CADPS2: variants seen among roughly 807,000 people sequenced by gnomAD.
CADPS2 encodes the protein calcium dependent secretion activator 2, also known as calcium-dependent secretion activator 2.
In CADPS2, 93 loss-of-function variants were observed where a neutral mutation model predicts 172.5. The observed-to-expected ratio is 0.54, with a 90% confidence interval of 0.46 to 0.64. The LOEUF is 0.64. Ranked by LOEUF, CADPS2 falls within the 30% of genes least tolerant of loss-of-function variation. The pLI, the probability that CADPS2 is intolerant of heterozygous loss-of-function variation, is 0.00. For missense variants in CADPS2, 1,420 were observed against 1,565.9 expected, an observed-to-expected ratio of 0.91 and a Z score of 1.57; for synonymous variants, 546 against 555.2, an observed-to-expected ratio of 0.98 and a Z score of 0.23.
chr7:122,409,465 A>G (rs989953338), intron 19 of CADPS2, among the ~76,000 whole-genome samples: 2 of 152,168 alleles, frequency 1.3e-5, no homozygotes, highest in African/African-American at 2.4e-5. Context: ...AAAATGGAAT[A>G]CACTTTTTTT....
At chr7:122,876,385 A>T (rs1262185383) in intron 1 of CADPS2, among the ~76,000 whole-genome samples, 1 of 152,200 alleles carries the variant, frequency 6.6e-6, no homozygotes, top group East Asian at 1.9e-4. Context: ...CTTTTGAGAC[A>T]GGGTCTCACT....
At chr7:122,342,238 A>G (rs1472355958) in intron 28 of CADPS2, among the ~76,000 whole-genome samples, 1 of 152,172 alleles carries the variant, frequency 6.6e-6, no homozygotes, top group Non-Finnish European at 1.5e-5. Flanking sequence ...AGCAGATTTT[A>G]TACGGTAAAT....
intron 1 of CADPS2, among the ~76,000 whole-genome samples, chr7:122,742,501 TC>T (rs2092536789): frequency 6.6e-6 from 1 of 152,104 alleles, no homozygotes; most frequent in South Asian, 2.1e-4. Context: ...AATAGCAATG[TC>T]CCTCTTAAAA....
intron 1 of CADPS2, among the ~76,000 whole-genome samples, chr7:122,870,362 G>A (rs1171033401): frequency 2.0e-5 from 3 of 151,770 alleles, no homozygotes; most frequent in Non-Finnish European, 4.4e-5. Context: ...AGACAAAGAA[G>A]GTCATTATAT....
chr7:122,758,084 C>T (rs994531250), intron 1 of CADPS2, among the ~76,000 whole-genome samples: 1 of 152,134 alleles, frequency 6.6e-6, no homozygotes, highest in African/African-American at 2.4e-5. Context: ...GTCAAGCTTG[C>T]TTCTCCTTAT....
intron 20 of CADPS2, among the ~76,000 whole-genome samples, chr7:122,399,029 TAATA>T (rs2045551755): frequency 6.6e-6 from 1 of 152,112 alleles, no homozygotes. Flanking sequence ...TTAACTAGTA[TAATA>T]ACCCCTAAAA....
At chr7:122,611,772 A>G (rs2074324139) in intron 6 of CADPS2, among the ~76,000 whole-genome samples, 1 of 152,094 alleles carries the variant, frequency 6.6e-6, no homozygotes, top group Non-Finnish European at 1.5e-5. Flanking sequence ...AAAAATTACA[A>G]GGACAATATC....
In CADPS2 at chr7:122,485,119, TC is replaced by T. The variant is rs534049470; in HGVS notation, c.1853-4260del. Among the ~76,000 whole-genome samples, 324 of 152,292 alleles carry T rather than the reference TC, an allele frequency of 2.1e-3. 1 individual carries two copies. Among genetic ancestry groups the T allele is most frequent in the African/African-American group, 7.5e-3 (311 of 41,574 alleles). ...CCATCTCTCTCCCTTTTCTTGGGCC[TC>T]CCTATTTCCTGACACACAACAATAT... is the stretch of plus-strand genomic sequence containing the variant. On this transcript the variant is annotated intron_variant, in intron 11 of 29. Transcript: ENST00000449022.
intron 8 of CADPS2, among the ~76,000 whole-genome samples, chr7:122,533,073 TG>T (rs1275877394): frequency 6.6e-6 from 1 of 152,122 alleles, no homozygotes; most frequent in African/African-American, 2.4e-5. Context: ...CCTCTAGAGA[TG>T]TGGGGCTAAG....
intron 2 of CADPS2, chr7:122,702,801 G>A: frequency 7.4e-7 from 1 of 1,342,372 alleles, no homozygotes; most frequent in Non-Finnish European, 1.0e-6. Context: ...AACAACATCA[G>A]TTGTAGAAGA....
rs368095522 is a variant in CADPS2 at position 122,738,804 on chromosome 7, C to T, written c.340-1736G>A. Among the ~76,000 whole-genome samples, 52 of 134,840 alleles carry T rather than the reference C, an allele frequency of 3.9e-4. No homozygotes were observed. The East Asian group carries it at 4.8e-3, about 12-fold the overall frequency. 88.5% of individuals were successfully genotyped at this position (134,840 alleles called of 152,430 possible). A position where few individuals can be genotyped will look rare whatever the true frequency, so the allele number is the denominator to read the frequency against. The stretch of plus-strand genomic sequence containing the variant: ...TTAAAGAAACTGTAGCTGGGAGTAA[C>T]AGACTGATTTAAAAAAAATTAAAAA... On this transcript the variant is annotated intron_variant, in intron 1 of 29. Transcript: ENST00000449022.
chr7:122,353,242 G>A (rs999569982), intron 27 of CADPS2, among the ~76,000 whole-genome samples: 1 of 152,178 alleles, frequency 6.6e-6, no homozygotes, highest in South Asian at 2.1e-4. Context: ...GGAGATCCTC[G>A]ACCCCATATC....
At chr7:122,706,676 C>T (rs7788040) in intron 2 of CADPS2, among the ~76,000 whole-genome samples, 144,292 of 145,862 alleles carry the variant, frequency 0.99, 71,370 homozygotes, top group Middle Eastern at 1. Flanking sequence ...GTAGAACATA[C>T]ATATATATAT....
chr7:122,522,268 C>T (rs558082132), intron 8 of CADPS2, among the ~76,000 whole-genome samples: 2 of 152,074 alleles, frequency 1.3e-5, no homozygotes, highest in African/African-American at 2.4e-5. Context: ...AGGCATGTCA[C>T]CATACCCAGC....
At chr7:122,699,540 A>G (rs1588519380) in intron 2 of CADPS2, among the ~76,000 whole-genome samples, 1 of 152,218 alleles carries the variant, frequency 6.6e-6, no homozygotes, top group East Asian at 1.9e-4. Context: ...TAAAAGTCAC[A>G]CTGCTAATTT....
intron 3 of CADPS2, among the ~76,000 whole-genome samples, chr7:122,647,153 G>A (rs561417572): frequency 1.1e-4 from 17 of 152,252 alleles, no homozygotes; most frequent in Middle Eastern, 3.4e-3. Context: ...CCTAAAAAAG[G>A]TGGATAGCAG....
At position 122,651,254 on chromosome 7, in the gene CADPS2, T is replaced by C. The variant is rs1343119306; in HGVS notation, c.786+11983A>G. On this transcript the variant is annotated intron_variant, in intron 3 of 29. Transcript: ENST00000449022. ...AAACCTATTATCAATCACAGGCTAC[T>C]AGTTGGAAAAAAAAAAAAAAAGAAG... Among the ~76,000 whole-genome samples the C allele has an allele frequency of 3.4e-5, 3 of 88,744 alleles. No individual in the cohort carries two copies. The East Asian group carries it at 1.8e-3, about 52-fold the overall frequency. The allele number at this position is 88,744 out of a possible 152,430, so 58.2% of individuals were successfully genotyped here. A position where few individuals can be genotyped will look rare whatever the true frequency, so the allele number is the denominator to read the frequency against.
At chr7:122,355,356 G>A (rs1277788372) in intron 27 of CADPS2, among the ~76,000 whole-genome samples, 3 of 152,256 alleles carry the variant, frequency 2.0e-5, no homozygotes, top group East Asian at 1.9e-4. Flanking sequence ...CGAGGCAGGC[G>A]GATCACCTGA....
At chr7:122,842,388 C>G (rs1810798155) in intron 1 of CADPS2, among the ~76,000 whole-genome samples, 1 of 152,100 alleles carries the variant, frequency 6.6e-6, no homozygotes, top group Admixed American at 6.5e-5. Flanking sequence ...CGCTTTCTGC[C>G]CAATTTCTGG....
Sources: allele counts gnomAD v4.1 joint callset (sites outside exome capture counted in the v4.1 genomes callset), GRCh38; gene constraint gnomAD v4.1.1; transcripts MANE v1.5; gene names NCBI Gene and HGNC (gene_info 2026-07-23, HGNC 2026-07-21).